SARDH: variants seen among roughly 807,000 people sequenced by gnomAD.
SARDH encodes sarcosine dehydrogenase.
A neutral mutation model predicts 109.1 loss-of-function variants in SARDH; 95 were observed. That is an observed-to-expected ratio of 0.87 (90% CI 0.74 to 1.03). The LOEUF is 1.03. Ranked by LOEUF, SARDH falls within the 50% of genes least tolerant of loss-of-function variation. SARDH has a pLI of 0.00. For missense variants in SARDH, 1,267 were observed against 1,287.8 expected, an observed-to-expected ratio of 0.98 and a Z score of 0.25; for synonymous variants, 572 against 534.8, an observed-to-expected ratio of 1.07 and a Z score of -0.96.
rs1161306137 is a variant in SARDH, at chr9:133,704,747, C to T, written c.1554+201G>A. ...TGGGGAGGACGAGGAGTGGGAATTG[C>T]GTGAACGGCACAAAGAATGCACTGA... On this transcript the variant is annotated intron_variant, in intron 12 of 20. Transcript: ENST00000439388. The surrounding 1 kb of genome is among the most constrained non-coding windows in gnomAD (Gnocchi z 4.5). Among the ~76,000 whole-genome samples, 6 of 152,252 alleles carry T rather than the reference C, an allele frequency of 3.9e-5. No homozygotes were observed. Among genetic ancestry groups the T allele is most frequent in the East Asian group, 1.9e-4 (1 of 5,180 alleles).
At position 133,670,825 on chromosome 9, in the gene SARDH, C is replaced by T. The variant is rs147991072; in HGVS notation, c.2327-73G>A. 1.5e-3 allele frequency: 2,235 copies of T among 1,457,136 alleles called. 28 individuals carry two copies. In the African/African-American group the frequency reaches 0.025, roughly 16 times the overall value. 90.3% of individuals were successfully genotyped at this position (1,457,136 alleles called of 1,614,324 possible). On this transcript the variant is annotated intron_variant, in intron 18 of 20. Coordinates refer to ENST00000439388, the MANE Select transcript of SARDH (RefSeq NM_001134707.2). Reference sequence around the variant, plus strand: ...GCCCTTCAGGAGATGCATGAGGATGCTGCCTAAACCCACCCCCTCCAGCCC... The same window carrying T: ...GCCCTTCAGGAGATGCATGAGGATGTTGCCTAAACCCACCCCCTCCAGCCC...
intron 6 of SARDH, among the ~76,000 whole-genome samples, chr9:133,720,289 G>A (rs1832279099): frequency 1.3e-5 from 2 of 152,094 alleles, no homozygotes; most frequent in African/African-American, 2.4e-5. Context: ...TTAACCGGGC[G>A]TGGTGGTGGG....
chr9:133,694,363 C>T lies in SARDH; in HGVS notation c.1816G>A (p.Val606Met), dbSNP rs756355666. Residue 606 changes from valine to methionine, a missense_variant, in exon 15 of 21, where the codon GTG becomes ATG. Val to Met is a conservative substitution (Grantham distance 21). Transcript: ENST00000439388. ...CGGTGGTTGAGCATGCACGTGTACA[C>T]GGTGGAGCCTGCGAGAGGGAGAAGG... ...ADVSRPPGST[V>M]YTCMLNHRGG... The T allele has an allele frequency of 2.0e-5, 31 of 1,550,356 alleles. No homozygotes were observed. In the Middle Eastern group the frequency reaches 6.7e-4, roughly 33 times the overall value.
rs373609011 is a variant in SARDH, at chr9:133,713,041, C to A, written c.1234G>T (p.Ala412Ser). 1 of 1,610,424 alleles carries A rather than the reference C, an allele frequency of 6.2e-7. No homozygotes were observed. Among genetic ancestry groups the A allele is most frequent in the Non-Finnish European group, 8.5e-7 (1 of 1,178,844 alleles). ...GFFLGCGFNS[A>S]GMMLGGGCGQ... ...GAGGGCTGCTGCCCGGACTCACCTG[C>A]GCTGTTGAAGCCACAGCCCAGGAAG... The change falls in exon 9 of 21, where the codon GCA becomes TCA. Residue 412 changes from alanine to serine, a missense_variant. By Grantham distance (99) the Ala-to-Ser change is moderately conservative. Transcript: ENST00000439388.
downstream of SARDH, among the ~76,000 whole-genome samples, chr9:133,662,666 G>A (rs1427420090): frequency 6.6e-6 from 1 of 152,244 alleles, no homozygotes; most frequent in Non-Finnish European, 1.5e-5. This position sits in a 1 kb window ranked among gnomAD's most constrained non-coding sequence, Gnocchi z 5.1. Context: ...TGGCCTGGGA[G>A]CGTCCAGTGG....
At chr9:133,702,885 C>T (rs1831542451) in intron 13 of SARDH, 31 bp downstream of exon 13, 1 of 1,595,906 alleles carries the variant, frequency 6.3e-7, no homozygotes. Context: ...GGCAGAAGGA[C>T]GGACCCCCAC....
intron 10 of SARDH, among the ~76,000 whole-genome samples, chr9:133,710,298 G>C (rs1831868745): frequency 6.6e-6 from 1 of 152,246 alleles, no homozygotes; most frequent in African/African-American, 2.4e-5. Context: ...GGGCCATGCA[G>C]CTGACAGATA....
At chr9:133,713,198 G>A in intron 8 of SARDH, 74 bp from the exon 9 acceptor site, 1 of 1,340,656 alleles carries the variant, frequency 7.5e-7, no homozygotes, top group Non-Finnish European at 1.0e-6. Context: ...TTCCAAGAGA[G>A]CAGTGATCAG....
At chr9:133,699,322 C>G (rs1432537988) in intron 13 of SARDH, among the ~76,000 whole-genome samples, 1 of 152,048 alleles carries the variant, frequency 6.6e-6, no homozygotes, top group African/African-American at 2.4e-5. Flanking sequence ...GCCTAGCCAA[C>G]ATGGAGAAAC....
intron 8 of SARDH, among the ~76,000 whole-genome samples, chr9:133,715,959 C>T (rs776905692): frequency 6.6e-6 from 1 of 152,260 alleles, no homozygotes; most frequent in Non-Finnish European, 1.5e-5. Context: ...GAACCTCTCT[C>T]CCAGCCCTGA....
intron 19 of SARDH, chr9:133,667,261 G>A (rs1296791181): frequency 3.0e-6 from 1 of 334,794 alleles, no homozygotes; most frequent in Non-Finnish European, 5.3e-6. Context: ...CCGCCTCCCA[G>A]GTTCAAACGA....
In SARDH at chr9:133,730,156, C is replaced by G; in HGVS notation, c.722G>C (p.Arg241Pro). The change falls in exon 5 of 21, where the codon CGT becomes CCT. Residue 241 changes from arginine (R) to proline (P), a missense_variant. Coordinates refer to ENST00000439388, the MANE Select transcript of SARDH (RefSeq NM_001134707.2). ...CACCCCAAAATCATCCGTCCACACACGAATGCCGGTCACTGGGCAGTTCTC... is the reference window on the plus strand; with the variant it reads ...CACCCCAAAATCATCCGTCCACACAGGAATGCCGGTCACTGGGCAGTTCTC... ...VIENCPVTGI[R>P]VWTDDFGVRR... 2.5e-6 allele frequency: 4 copies of G among 1,614,230 alleles called. No individual in the cohort carries two copies. The highest frequency in any genetic ancestry group is 3.4e-6 in the Non-Finnish European group (4 of 1,180,050).
At chr9:133,691,434 T>C (rs1032959485) in intron 15 of SARDH, among the ~76,000 whole-genome samples, 9 of 152,204 alleles carry the variant, frequency 5.9e-5, no homozygotes, top group Non-Finnish European at 8.8e-5. Context: ...GGTCCAGGCC[T>C]GGCCTGCAAA....
At chr9:133,661,176 C>T (rs958775039), downstream of SARDH, among the ~76,000 whole-genome samples, 1 of 152,048 alleles carries the variant, frequency 6.6e-6, no homozygotes, top group Non-Finnish European at 1.5e-5. Context: ...CCCGTCTCTA[C>T]TAAAAATACA....
At chr9:133,731,136 G>T (rs1329388288) in intron 4 of SARDH, among the ~76,000 whole-genome samples, 169 bp downstream of exon 4, 1 of 152,244 alleles carries the variant, frequency 6.6e-6, no homozygotes, top group Non-Finnish European at 1.5e-5. Flanking sequence ...CGAAGGCATA[G>T]CCTCCCCTTG....
At chr9:133,696,717 C>T (rs1292514823) in intron 13 of SARDH, among the ~76,000 whole-genome samples, 1 of 152,142 alleles carries the variant, frequency 6.6e-6, no homozygotes, top group African/African-American at 2.4e-5. Flanking sequence ...ACACAACACA[C>T]TGCTAAAGAA....
intron 17 of SARDH, among the ~76,000 whole-genome samples, chr9:133,679,392 G>T (rs779432552): frequency 2.0e-5 from 3 of 152,238 alleles, no homozygotes; most frequent in African/African-American, 4.8e-5. Context: ...TAACAGCGCC[G>T]CGACTAGGAC....
chr9:133,663,878 G>A lies in SARDH; in HGVS notation c.*11C>T. ...ATGGACAGCATGGGATGGGGCATGTGGTCTGAGCCCTCAGTAGATTCCCTT... is the reference window on the plus strand; with the variant it reads ...ATGGACAGCATGGGATGGGGCATGTAGTCTGAGCCCTCAGTAGATTCCCTT... On this transcript the variant is annotated 3_prime_UTR_variant, in exon 21 of 21. Coordinates refer to ENST00000439388, the MANE Select transcript of SARDH (RefSeq NM_001134707.2). 1 of 1,613,954 alleles carries A rather than the reference G, an allele frequency of 6.2e-7. No individual in the cohort carries two copies. The highest frequency in any genetic ancestry group is 1.7e-5 in the Admixed American group (1 of 60,016).
In SARDH at chr9:133,705,037, C is replaced by A; in HGVS notation, c.1471-6G>T. 6.3e-7 allele frequency: 1 copy of A among 1,585,806 alleles called. No homozygotes were observed. The highest frequency in any genetic ancestry group is 2.3e-5 in the East Asian group (1 of 43,928). On this transcript the variant is annotated splice_polypyrimidine_tract_variant and splice_region_variant and intron_variant, in intron 11 of 20. Transcript: ENST00000439388. ...CAGCCTTGTCCAAGGAGTTCCTGAG[C>A]AGGAGTGGGGAACAGGCATCTGTCA...
Sources: allele counts gnomAD v4.1 joint callset (sites outside exome capture counted in the v4.1 genomes callset), GRCh38; gene constraint gnomAD v4.1.1; non-coding constraint Gnocchi (gnomAD v3.1); transcripts MANE v1.5; gene names NCBI Gene and HGNC (gene_info 2026-07-23, HGNC 2026-07-21).